GFM2: variants seen among roughly 807,000 people sequenced by gnomAD.
The protein encoded by GFM2 is GTP dependent ribosome recycling factor mitochondrial 2.
In GFM2, 72 loss-of-function variants were observed where a neutral mutation model predicts 95.4. The ratio of observed to expected loss-of-function variants is 0.76; its 90% CI spans 0.62 to 0.92. The LOEUF (loss-of-function observed/expected upper bound fraction) is 0.92, where lower values mean the gene tolerates loss of function less well. GFM2 is among the 40% of genes least tolerant of loss of function. The pLI, the probability that GFM2 is intolerant of heterozygous loss-of-function variation, is 0.00. For synonymous variants in GFM2, 276 were observed against 317.5 expected (o/e 0.87, Z 1.39); for missense variants, 825 against 924.1 (o/e 0.89, Z 1.39).
chr5:74,765,437 GAGA>G (rs1199066542), intron 1 of GFM2, among the ~76,000 whole-genome samples: 1 of 152,272 alleles, frequency 6.6e-6, no homozygotes, highest in East Asian at 1.9e-4. Flanking sequence ...GGGTGCTGTA[GAGA>G]AGAATGAAGC....
rs150085118 is a variant in GFM2 at position 74,729,129 on chromosome 5, G to A, written c.1726+1131C>T. Among the ~76,000 whole-genome samples, 660 of 152,210 alleles carry A rather than the reference G, an allele frequency of 4.3e-3. 10 individuals carry two copies. The highest frequency in any genetic ancestry group is 0.015 in the African/African-American group (622 of 41,544). On this transcript the variant is annotated intron_variant, in intron 17 of 20. Coordinates refer to ENST00000296805, the MANE Select transcript of GFM2 (RefSeq NM_032380.5). ...TCCAGGTTCCTTGGGATACTACCAA[G>A]CCATGAGCACTTTACACTAAAGAAC... is the stretch of plus-strand genomic sequence containing the variant.
Position 74,726,099 on chromosome 5 carries a change from T to C in GFM2, c.1754A>G (p.Lys585Arg), listed in dbSNP as rs1418613741. 5 of 1,610,124 alleles carry C rather than the reference T, an allele frequency of 3.1e-6. No individual in the cohort carries two copies. Among genetic ancestry groups the C allele is most frequent in the African/African-American group, 1.3e-5 (1 of 74,506 alleles). The change falls in exon 18 of 21, where the codon AAA becomes AGA. Residue 585 changes from lysine (K) to arginine (R), a missense_variant. Transcript: ENST00000296805. Reference protein sequence around the residue: ...TDTLDRTLGDKRHLVTVEVEA... With the variant: ...TDTLDRTLGDRRHLVTVEVEA... ...CACTTCTACAGTCACAAGATGCCTT[T>C]TGTCTCCTAAAGTTCTATCTAAGGT...
In GFM2 at chr5:74,741,541, T is replaced by C. The variant is rs756480619; in HGVS notation, c.918A>G (p.Leu306=). ...LEEFSENFDL[L]PAEKLQTAIH... is the part of the protein sequence containing the mutation. The stretch of plus-strand genomic sequence containing the variant: ...TAATAAAATTTACCTTTTCAGCTGG[T>C]AACAAATCAAAATTCTCACTAAATT... Residue 306 remains leucine, a synonymous_variant, in exon 11 of 21, where the codon TTA becomes TTG. Coordinates refer to ENST00000296805, the MANE Select transcript of GFM2 (RefSeq NM_032380.5). The C allele has an allele frequency of 7.8e-6, 12 of 1,539,436 alleles. No homozygotes were observed. The highest frequency in any genetic ancestry group is 1.1e-5 in the Non-Finnish European group (12 of 1,118,880).
At chr5:74,725,451 T>G (rs529166518) in intron 19 of GFM2, among the ~76,000 whole-genome samples, 189 bp downstream of exon 19, 1 of 152,248 alleles carries the variant, frequency 6.6e-6, no homozygotes, top group African/African-American at 2.4e-5. Context: ...ATTTCTAAGA[T>G]CCTCTTTGAA....
intron 17 of GFM2, among the ~76,000 whole-genome samples, chr5:74,728,748 CTTTTTTTTT>C (rs57180600): frequency 0.05 from 2,932 of 58,182 alleles, 47 homozygotes; most frequent in South Asian, 0.1. Flanking sequence ...GTGGGGGTTT[CTTTTTTTTT>C]TTTTTTTTTT....
At position 74,721,764 on chromosome 5, in the gene GFM2, C is replaced by G. The variant is rs151093565; in HGVS notation, c.2231G>C (p.Arg744Pro). The G allele has an allele frequency of 1.2e-6, 2 of 1,612,684 alleles. No individual in the cohort carries two copies. Among genetic ancestry groups the G allele is most frequent in the Non-Finnish European group, 1.7e-6 (2 of 1,179,522 alleles). ...AEIMGYSTVL[R>P]TLTSGSATFA... ...AGTAGCTGAGCCTGATGTTAGCGTT[C>G]GAAGCACAGTTGAATAACCCTAATC... Residue 744 changes from arginine (R) to proline (P), a missense_variant, in exon 21 of 21, where the codon CGA becomes CCA. By Grantham distance (103) the Arg-to-Pro change is moderately radical. Coordinates refer to ENST00000296805, the MANE Select transcript of GFM2 (RefSeq NM_032380.5).
At chr5:74,749,503 C>T (rs572362128) in intron 7 of GFM2, among the ~76,000 whole-genome samples, 1 of 152,276 alleles carries the variant, frequency 6.6e-6, no homozygotes, top group East Asian at 1.9e-4. Flanking sequence ...TATTCATTCA[C>T]ATGTGTTCTT....
intron 1 of GFM2, among the ~76,000 whole-genome samples, chr5:74,766,673 A>AC (rs1744635014): frequency 6.6e-6 from 1 of 152,164 alleles, no homozygotes; most frequent in Non-Finnish European, 1.5e-5. Context: ...CAGTAGTTCC[A>AC]TTTTTCTGTA....
intron 16 of GFM2, among the ~76,000 whole-genome samples, chr5:74,732,468 GTCC>G (rs1388633056): frequency 2.0e-5 from 3 of 151,930 alleles, no homozygotes; most frequent in African/African-American, 2.4e-5. Context: ...ACATTACCCT[GTCC>G]TCCTAAAAAG....
chr5:74,754,836 C>A (rs1439799934), intron 5 of GFM2, among the ~76,000 whole-genome samples: 1 of 152,102 alleles, frequency 6.6e-6, no homozygotes, highest in Admixed American at 6.6e-5. Context: ...AATGGACTGG[C>A]CAGGCGCAGT....
At chr5:74,733,332 A>AAAT in intron 15 of GFM2, 2 of 360,924 alleles carry the variant, frequency 5.5e-6, no homozygotes, top group East Asian at 5.1e-5. Flanking sequence ...CTTTACAAAA[A>AAAT]AAGAAAAAAA....
At chr5:74,722,731 C>T (rs1749968102) in intron 19 of GFM2, 170 bp from the exon 20 acceptor site, 2 of 552,662 alleles carry the variant, frequency 3.6e-6, no homozygotes, top group South Asian at 2.7e-5. Flanking sequence ...AGCATGATAA[C>T]AGAATTTATA....
At chr5:74,738,910 C>A (rs1742977338) in intron 12 of GFM2, among the ~76,000 whole-genome samples, 1 of 152,126 alleles carries the variant, frequency 6.6e-6, no homozygotes. Context: ...GAGCTCTCCC[C>A]ATGAAGGCTA....
intron 10 of GFM2, 137 bp downstream of exon 10, chr5:74,745,541 A>AG: frequency 6.6e-6 from 4 of 606,378 alleles, no homozygotes; most frequent in Non-Finnish European, 1.1e-5. Context: ...ATTTTATATC[A>AG]GGGACTTGAG....
At chr5:74,739,911 A>T in intron 12 of GFM2, 78 bp downstream of exon 12, 1 of 1,040,126 alleles carries the variant, frequency 9.6e-7, no homozygotes, top group Non-Finnish European at 1.3e-6. Flanking sequence ...ATGGTGATTT[A>T]ACTACTTTTC....
At position 74,737,000 on chromosome 5, in the gene GFM2, G is replaced by C; in HGVS notation, c.1321-15C>G. On this transcript the variant is annotated splice_polypyrimidine_tract_variant and intron_variant, in intron 14 of 20. Coordinates refer to ENST00000296805, the MANE Select transcript of GFM2 (RefSeq NM_032380.5). ...CCAGTGGCAGTCTGCAAGCAAACAA[G>C]ATGACTTGGAACGAAAGTGGCATTT... The C allele has an allele frequency of 4.3e-6, 7 of 1,611,940 alleles. No individual in the cohort carries two copies. The highest frequency in any genetic ancestry group is 5.9e-6 in the Non-Finnish European group (7 of 1,179,120).
chr5:74,754,015 C>T (rs1181468580), intron 5 of GFM2, among the ~76,000 whole-genome samples: 43 of 152,196 alleles, frequency 2.8e-4, no homozygotes, highest in Admixed American at 2.8e-3. Flanking sequence ...CAGCAGACTT[C>T]TTAGCAGAAA....
At chr5:74,727,216 C>T (rs6453075) in intron 17 of GFM2, among the ~76,000 whole-genome samples, 53,037 of 151,806 alleles carry the variant, frequency 0.35, 12,087 homozygotes, top group African/African-American at 0.65. Flanking sequence ...TGAGTATATA[C>T]ATATTTATGT....
At chr5:74,762,518 T>C (rs936272243) in intron 2 of GFM2, among the ~76,000 whole-genome samples, 5 of 152,224 alleles carry the variant, frequency 3.3e-5, no homozygotes, top group Non-Finnish European at 5.9e-5. Flanking sequence ...ATTCCTACCA[T>C]AGATCTTAGC....
Sources: allele counts gnomAD v4.1 joint callset (sites outside exome capture counted in the v4.1 genomes callset), GRCh38; gene constraint gnomAD v4.1.1; transcripts MANE v1.5; gene names NCBI Gene and HGNC (gene_info 2026-07-23, HGNC 2026-07-21).